The following PCCB variants were observed in gnomAD, a reference collection of about 807,000 sequenced individuals.
PCCB encodes the protein propionyl-CoA carboxylase subunit beta, also known as propionyl-CoA carboxylase beta chain, mitochondrial.
Under a neutral mutation model 60.7 loss-of-function variants are expected in PCCB, and 43 were observed. That is an observed-to-expected ratio of 0.71 (90% CI 0.55 to 0.91). The LOEUF is 0.91. Among genes scored for constraint, PCCB ranks in the 40% least tolerant of loss-of-function variants. The pLI, the probability that PCCB is intolerant of heterozygous loss-of-function variation, is 0.00. For synonymous variants in PCCB, 276 were observed against 255.9 expected, an observed-to-expected ratio of 1.08 and a Z score of -0.75; for missense variants, 766 against 702.8, an observed-to-expected ratio of 1.09 and a Z score of -1.02.
intron 13 of PCCB, among the ~76,000 whole-genome samples, chr3:136,328,154 C>T (rs772084581): frequency 3.3e-5 from 5 of 152,168 alleles, no homozygotes; most frequent in Non-Finnish European, 7.3e-5. Flanking sequence ...ACTGTAGGTC[C>T]GACCCTAGTG....
At chr3:136,279,596 A>G (rs1221870798) in intron 5 of PCCB, among the ~76,000 whole-genome samples, 1 of 152,146 alleles carries the variant, frequency 6.6e-6, no homozygotes, top group African/African-American at 2.4e-5. Context: ...GTCATAGATT[A>G]TATCTTTATA....
intron 10 of PCCB, among the ~76,000 whole-genome samples, chr3:136,325,360 C>T (rs1345258780): frequency 6.6e-6 from 1 of 151,242 alleles, no homozygotes; most frequent in Non-Finnish European, 1.5e-5. Flanking sequence ...TATTTCCTTT[C>T]CTTTCCTTTT....
At chr3:136,328,340 G>A (rs760758373) in intron 13 of PCCB, among the ~76,000 whole-genome samples, 6 of 152,132 alleles carry the variant, frequency 3.9e-5, no homozygotes, top group African/African-American at 7.2e-5. Flanking sequence ...TCTGGCCACC[G>A]AATTGTATAC....
chr3:136,258,845 T>C (rs375942059), intron 3 of PCCB, among the ~76,000 whole-genome samples: 11 of 151,962 alleles, frequency 7.2e-5, no homozygotes, highest in Non-Finnish European at 1.5e-4. Context: ...TCAGCCTCCT[T>C]CTCACCTCCA....
At chr3:136,276,350 A>C (rs1470116806) in intron 5 of PCCB, among the ~76,000 whole-genome samples, 2 of 152,088 alleles carry the variant, frequency 1.3e-5, no homozygotes, top group African/African-American at 2.4e-5. Context: ...TGGCTGGGGG[A>C]ACTCTCAATT....
intron 5 of PCCB, among the ~76,000 whole-genome samples, chr3:136,269,149 T>G (rs1263332695): frequency 6.6e-6 from 1 of 152,024 alleles, no homozygotes; most frequent in Admixed American, 6.6e-5. Context: ...GGTGTTGTGG[T>G]GCATGCCTGT....
chr3:136,265,938 G>T (rs1277304988), intron 5 of PCCB, among the ~76,000 whole-genome samples: 1 of 151,136 alleles, frequency 6.6e-6, no homozygotes, highest in Non-Finnish European at 1.5e-5. Flanking sequence ...CCATTCTCCT[G>T]CCTGAGCCTC....
intron 3 of PCCB, 73 bp downstream of exon 3, chr3:136,256,696 A>C: frequency 1.9e-6 from 2 of 1,036,734 alleles, no homozygotes; most frequent in Non-Finnish European, 3.1e-6. Flanking sequence ...GAAAGAAGCC[A>C]ATCTTGGGGA....
At chr3:136,276,816 A>G (rs1376667813) in intron 5 of PCCB, among the ~76,000 whole-genome samples, 1 of 152,174 alleles carries the variant, frequency 6.6e-6, no homozygotes, top group South Asian at 2.1e-4. Context: ...CAGCACTGCA[A>G]TTGTGTCTCT....
intron 6 of PCCB, among the ~76,000 whole-genome samples, chr3:136,285,612 T>C (rs552423901): frequency 5.1e-4 from 77 of 152,288 alleles, no homozygotes; most frequent in South Asian, 6.2e-4. Context: ...TAACTCTCAT[T>C]TTCCTGTCTT....
intron 1 of PCCB, among the ~76,000 whole-genome samples, chr3:136,253,439 C>T (rs114178481): frequency 0.016 from 2,417 of 151,610 alleles, 72 homozygotes; most frequent in African/African-American, 0.055. Flanking sequence ...GGCTGGAGTG[C>T]GGTGGAGTGA....
At chr3:136,320,607 T>A (rs1350493412) in intron 10 of PCCB, among the ~76,000 whole-genome samples, 1 of 152,254 alleles carries the variant, frequency 6.6e-6, no homozygotes, top group African/African-American at 2.4e-5. Context: ...TTTATATTGC[T>A]ACATTTTGTT....
At position 136,302,670 on chromosome 3, in the gene PCCB, C is replaced by T. The variant is rs918618897; in HGVS notation, c.966+1559C>T. On this transcript the variant is annotated intron_variant, in intron 9 of 14. Transcript: ENST00000251654. ...TGCTGGTGTGCTGCACCTGTTAACT[C>T]GTCATTTAGCATTAGGTATATCTCC... Among the ~76,000 whole-genome samples the T allele has an allele frequency of 8.5e-5, 10 of 117,268 alleles. 3 individuals are homozygous for T. The highest frequency in any genetic ancestry group is 2.1e-4 in the Admixed American group (2 of 9,518). The allele number at this position is 117,268 out of a possible 152,430, so 76.9% of individuals were successfully genotyped here.
intron 6 of PCCB, among the ~76,000 whole-genome samples, chr3:136,290,065 T>C (rs1041670915): frequency 1.3e-5 from 2 of 152,242 alleles, no homozygotes; most frequent in African/African-American, 2.4e-5. Flanking sequence ...TTTGCTACTA[T>C]TAATTTGAAT....
chr3:136,314,281 T>C (rs1934791422), intron 9 of PCCB, among the ~76,000 whole-genome samples: 1 of 152,088 alleles, frequency 6.6e-6, no homozygotes, highest in South Asian at 2.1e-4. Context: ...AATAAAACAA[T>C]CTATAAGTTC....
At chr3:136,281,872 A>G (rs1942484985) in intron 5 of PCCB, among the ~76,000 whole-genome samples, 1 of 152,086 alleles carries the variant, frequency 6.6e-6, no homozygotes. Flanking sequence ...TTGAAATTTT[A>G]GTTCTCTTAT....
intron 5 of PCCB, among the ~76,000 whole-genome samples, chr3:136,276,286 A>C (rs1942328170): frequency 6.6e-6 from 1 of 152,208 alleles, no homozygotes; most frequent in Non-Finnish European, 1.5e-5. Context: ...TGGCTAAAGC[A>C]AATGGGTAAA....
At chr3:136,311,109 G>A (rs1247268542) in intron 9 of PCCB, among the ~76,000 whole-genome samples, 3 of 152,036 alleles carry the variant, frequency 2.0e-5, no homozygotes, top group Non-Finnish European at 2.9e-5. Context: ...AGAGACAAAA[G>A]CCTTGGGAGA....
chr3:136,275,758 G>GTATTTATT (rs1178368856), intron 5 of PCCB, among the ~76,000 whole-genome samples: 1 of 151,716 alleles, frequency 6.6e-6, no homozygotes, highest in East Asian at 1.9e-4. Context: ...GATGCTGGTT[G>GTATTTATT]TATTTATTTA....
Sources: gnomAD v4.1 joint callset for allele counts (sites outside exome capture counted in the v4.1 genomes callset) on GRCh38, gnomAD v4.1.1 for gene constraint, MANE v1.5 for transcripts, NCBI Gene and HGNC (gene_info 2026-07-23, HGNC 2026-07-21) for gene names.